Variants in COL21A1 observed in about 807,000 individuals in gnomAD.
The protein encoded by COL21A1 is collagen type XXI alpha 1 chain, also known as collagen alpha-1(XXI) chain.
COL21A1 carries 149 observed loss-of-function variants against 137.9 expected under a neutral mutation model. The observed-to-expected ratio is 1.08, with a 90% CI of 0.95 to 1.24. The LOEUF is 1.24. COL21A1 is among the 50% of genes most tolerant of loss of function. COL21A1 has a pLI of 0.00. For synonymous variants in COL21A1, 456 were observed against 391.5 expected (o/e 1.16, Z -1.95); for missense variants, 1,167 against 1,158.4 (o/e 1.01, Z -0.11).
At chr6:56,094,489 G>A (rs9296828) in intron 17 of COL21A1, among the ~76,000 whole-genome samples, 111,604 of 151,990 alleles carry the variant, frequency 0.73, 41,459 homozygotes, top group East Asian at 0.87. Context: ...ATGTCTACCA[G>A]TAGTCTGTTC....
At chr6:56,066,971 A>G (rs1219623447) in intron 23 of COL21A1, among the ~76,000 whole-genome samples, 1 of 139,568 alleles carries the variant, frequency 7.2e-6, no homozygotes, top group Non-Finnish European at 1.5e-5. Flanking sequence ...GTGTATATAT[A>G]TATATATGTG....
chr6:56,373,979 T>C (rs894009534), intron 1 of COL21A1, among the ~76,000 whole-genome samples: 9 of 152,186 alleles, frequency 5.9e-5, no homozygotes, highest in African/African-American at 1.9e-4. Flanking sequence ...TGACTACAAA[T>C]AGCTGCCCCA....
intron 1 of COL21A1, among the ~76,000 whole-genome samples, chr6:56,322,969 T>G (rs1764909518): frequency 6.6e-6 from 1 of 151,474 alleles, no homozygotes; most frequent in Middle Eastern, 3.2e-3. Flanking sequence ...CTAAGTAATG[T>G]GTACACACAG....
At chr6:56,376,401 T>C (rs955476360) in intron 1 of COL21A1, among the ~76,000 whole-genome samples, 5 of 150,426 alleles carry the variant, frequency 3.3e-5, no homozygotes, top group Non-Finnish European at 5.9e-5. Context: ...AAAAGAAGCA[T>C]GAGTAAGAAA....
intron 1 of COL21A1, among the ~76,000 whole-genome samples, chr6:56,319,392 C>T (rs536324337): frequency 2.0e-5 from 3 of 152,260 alleles, no homozygotes; most frequent in African/African-American, 7.2e-5. Flanking sequence ...GGCTGGAGTG[C>T]AGTGGTGTAC....
chr6:56,065,871 T>G (rs973857285), intron 23 of COL21A1, among the ~76,000 whole-genome samples: 6 of 151,908 alleles, frequency 3.9e-5, no homozygotes, highest in African/African-American at 1.5e-4. Flanking sequence ...AGTAAAAGTG[T>G]GGAAGAAGGA....
chr6:56,169,090 C>T (rs771006816), intron 5 of COL21A1, among the ~76,000 whole-genome samples: 14 of 152,016 alleles, frequency 9.2e-5, no homozygotes, highest in Non-Finnish European at 1.9e-4. Flanking sequence ...CAGTAACTAA[C>T]CAGATGCAGA....
chr6:56,373,329 C>CAGTG (rs2093993532), intron 1 of COL21A1, among the ~76,000 whole-genome samples: 1 of 152,210 alleles, frequency 6.6e-6, no homozygotes, highest in Admixed American at 6.5e-5. Context: ...AGGCCAGGTG[C>CAGTG]AGTGGCTCAT....
intron 1 of COL21A1, among the ~76,000 whole-genome samples, chr6:56,193,679 A>T (rs746860672): frequency 6.6e-6 from 1 of 152,172 alleles, no homozygotes; most frequent in Non-Finnish European, 1.5e-5. Context: ...ATGAAAAAAA[A>T]CTAGTCCATT....
At chr6:56,311,130 C>T (rs1266132391) in intron 1 of COL21A1, among the ~76,000 whole-genome samples, 23 of 152,168 alleles carry the variant, frequency 1.5e-4, no homozygotes, top group Admixed American at 1.5e-3. Context: ...TTAATATTAG[C>T]CCATCAAATG....
At chr6:56,146,902 G>C (rs1774879186) in intron 10 of COL21A1, among the ~76,000 whole-genome samples, 1 of 152,050 alleles carries the variant, frequency 6.6e-6, no homozygotes, top group South Asian at 2.1e-4. Context: ...GGTAAACAGT[G>C]GATAGATAAA....
At chr6:56,344,610 T>C (rs1382259576) in intron 1 of COL21A1, among the ~76,000 whole-genome samples, 1 of 152,220 alleles carries the variant, frequency 6.6e-6, no homozygotes, top group Non-Finnish European at 1.5e-5. Flanking sequence ...CATTCATTCG[T>C]TATTTCATTT....
intron 1 of COL21A1, among the ~76,000 whole-genome samples, chr6:56,305,028 T>C (rs1184275703): frequency 2.6e-5 from 4 of 152,232 alleles, no homozygotes; most frequent in African/African-American, 7.2e-5. Context: ...TCAGTTTCCA[T>C]GTAGCTGAGT....
intron 1 of COL21A1, among the ~76,000 whole-genome samples, chr6:56,306,973 T>G (rs1582769829): frequency 6.6e-6 from 1 of 152,126 alleles, no homozygotes; most frequent in Non-Finnish European, 1.5e-5. Flanking sequence ...TCTGTTGGAG[T>G]TTGCTGGAGG....
At chr6:56,301,856 C>A (rs1582766140) in intron 1 of COL21A1, among the ~76,000 whole-genome samples, 1 of 35,100 alleles carries the variant, frequency 2.8e-5, no homozygotes, top group Non-Finnish European at 2.2e-4. Flanking sequence ...GCTATTTCTC[C>A]CCCCCCCAAT....
At chr6:56,173,399 G>GAAGGAAGGGA (rs752406049) in intron 3 of COL21A1, among the ~76,000 whole-genome samples, 4 of 150,440 alleles carry the variant, frequency 2.7e-5, no homozygotes, top group African/African-American at 9.8e-5. Flanking sequence ...AGGGGAAGGG[G>GAAGGAAGGGA]AAGGAAGGGA....
intron 1 of COL21A1, among the ~76,000 whole-genome samples, chr6:56,240,140 G>A (rs1181042792): frequency 1.3e-5 from 2 of 148,904 alleles, no homozygotes; most frequent in Non-Finnish European, 3.0e-5. Context: ...TAGCCACATG[G>A]AACTGTGAGT....
intron 17 of COL21A1, chr6:56,078,091 A>C (rs771387032): frequency 6.6e-6 from 3 of 455,864 alleles, no homozygotes; most frequent in South Asian, 3.1e-5. Context: ...TAACTCCCTT[A>C]CTGATGCAAT....
Position 56,078,282 on chromosome 6 carries a change from C to G in COL21A1, c.1813-709G>C, listed in dbSNP as rs1441843621. ...GCTTGCAGAAGAGTTCTATTGTCTG[C>G]CTTTTGATGCATTTACCCAACATGA... On this transcript the variant is annotated intron_variant, in intron 17 of 29. Transcript: ENST00000244728. The G allele has an allele frequency of 3.1e-5, 14 of 449,482 alleles. No homozygotes were observed. The Admixed American group carries it at 3.3e-4, about 11-fold the overall frequency. 27.8% of individuals were successfully genotyped at this position (449,482 alleles called of 1,614,324 possible). A position where few individuals can be genotyped will look rare whatever the true frequency, so the allele number is the denominator to read the frequency against.
Sources: gnomAD v4.1 joint callset for allele counts (sites outside exome capture counted in the v4.1 genomes callset) on GRCh38, gnomAD v4.1.1 for gene constraint, MANE v1.5 for transcripts, NCBI Gene and HGNC (gene_info 2026-07-23, HGNC 2026-07-21) for gene names.